The following OSCP1 variants were observed in gnomAD, a reference collection of about 807,000 sequenced individuals.
OSCP1 encodes organic solute carrier partner 1, also known as protein OSCP1.
A neutral mutation model predicts 45.1 loss-of-function variants in OSCP1; 35 were observed. The ratio of observed to expected loss-of-function variants is 0.78; its 90% confidence interval spans 0.59 to 1.03. The LOEUF is 1.03. Ranked by LOEUF, OSCP1 falls within the 50% of genes least tolerant of loss-of-function variation. The pLI is 0.00. For missense variants in OSCP1, 400 were observed against 470.7 expected (o/e 0.85, Z 1.39); for synonymous variants, 179 against 180.1 (o/e 0.99, Z 0.05).
At chr1:36,428,055 C>T (rs1000598151) in intron 4 of OSCP1, among the ~76,000 whole-genome samples, 4 of 151,646 alleles carry the variant, frequency 2.6e-5, no homozygotes, top group Non-Finnish European at 4.4e-5. Flanking sequence ...CTGGATGTGG[C>T]GGTGTGCACC....
At chr1:36,438,431 A>G (rs1481499383) in intron 2 of OSCP1, among the ~76,000 whole-genome samples, 1 of 151,944 alleles carries the variant, frequency 6.6e-6, no homozygotes, top group African/African-American at 2.4e-5. Context: ...TCAAGGCCGC[A>G]GTGAGCTATG....
chr1:36,439,612 G>A (rs1403292375), intron 1 of OSCP1, among the ~76,000 whole-genome samples: 2 of 152,146 alleles, frequency 1.3e-5, no homozygotes, highest in African/African-American at 4.8e-5. Context: ...AATGGTAATT[G>A]ACTCTTAATA....
chr1:36,418,431 AT>A (rs962946872), intron 9 of OSCP1, 176 bp from the exon 10 acceptor site: 33 of 614,566 alleles, frequency 5.4e-5, no homozygotes, highest in African/African-American at 1.7e-4. Flanking sequence ...GGGTCTATAT[AT>A]TTTTTTTCTT....
chr1:36,423,476 A>T lies in OSCP1; in HGVS notation c.517-10T>A. On this transcript the variant is annotated splice_polypyrimidine_tract_variant and intron_variant, in intron 4 of 9. Transcript: ENST00000235532. ...TTAGAAACATGGATACCTGGAAAAA[A>T]ATACATTTATTGTCATTTTTCTTGG... 2 of 1,578,702 alleles carry T rather than the reference A, an allele frequency of 1.3e-6. No individual in the cohort carries two copies. The highest frequency in any genetic ancestry group is 2.2e-5 in the South Asian group (2 of 88,962).
intron 8 of OSCP1, among the ~76,000 whole-genome samples, chr1:36,419,638 G>A (rs1462514356): frequency 2.0e-5 from 3 of 152,138 alleles, no homozygotes; most frequent in South Asian, 2.1e-4. Context: ...ATAAATCACC[G>A]TGGGTGATTT....
chr1:36,420,693 GTAT>G, intron 7 of OSCP1, 78 bp from the exon 8 acceptor site: 1 of 1,534,442 alleles, frequency 6.5e-7, no homozygotes, highest in East Asian at 2.3e-5. Flanking sequence ...ACACAGGTAG[GTAT>G]TATAAAATAA....
At chr1:36,422,079 C>T in intron 7 of OSCP1, 71 bp downstream of exon 7, 2 of 1,445,662 alleles carry the variant, frequency 1.4e-6, no homozygotes, top group Non-Finnish European at 1.9e-6. Context: ...AAAGCGTTCT[C>T]ACCTCTCTTT....
chr1:36,422,073 C>T lies in OSCP1; in HGVS notation c.819+77G>A, dbSNP rs1647649795. ...TGTTGGCTAGATCCGAAATCTAAAG[C>T]GTTCTCACCTCTCTTTATGTAGACT... On this transcript the variant is annotated intron_variant, in intron 7 of 9. Transcript: ENST00000235532. 8 of 1,382,144 alleles carry T rather than the reference C, an allele frequency of 5.8e-6. No individual in the cohort carries two copies. The East Asian group carries it at 9.1e-5, about 16-fold the overall frequency. The allele number at this position is 1,382,144 out of a possible 1,614,324, so 85.6% of individuals were successfully genotyped here. A position where few individuals can be genotyped will look rare whatever the true frequency, so the allele number is the denominator to read the frequency against.
intron 1 of OSCP1, among the ~76,000 whole-genome samples, chr1:36,439,740 G>C (rs898443329): frequency 6.6e-6 from 1 of 152,124 alleles, no homozygotes; most frequent in African/African-American, 2.4e-5. Context: ...TTCCACATTT[G>C]ATCTATAATC....
At chr1:36,422,920 T>C in intron 5 of OSCP1, 24 bp from the exon 6 acceptor site, 1 of 1,556,226 alleles carries the variant, frequency 6.4e-7, no homozygotes, top group Non-Finnish European at 8.7e-7. Context: ...TATGACATGA[T>C]GGAATGTTCT....
At chr1:36,432,691 T>G in intron 2 of OSCP1, 102 bp from the exon 3 acceptor site, 2 of 1,407,454 alleles carry the variant, frequency 1.4e-6, no homozygotes, top group Non-Finnish European at 2.0e-6. Context: ...AAACCAACTC[T>G]GGGCTTGCCA....
chr1:36,421,936 A>G (rs1454623571), intron 7 of OSCP1: 3 of 588,780 alleles, frequency 5.1e-6, no homozygotes, highest in Non-Finnish European at 9.1e-6. Context: ...TGGCCGAGCC[A>G]AGCCTAAAAT....
intron 9 of OSCP1, 31 bp downstream of exon 9, chr1:36,418,960 G>C: frequency 6.6e-7 from 1 of 1,510,168 alleles, no homozygotes; most frequent in Non-Finnish European, 9.2e-7. Context: ...AAGCGAATAC[G>C]ATTGGACCCT....
At chr1:36,420,796 C>T (rs547554997) in intron 7 of OSCP1, among the ~76,000 whole-genome samples, 181 bp from the exon 8 acceptor site, 1 of 152,200 alleles carries the variant, frequency 6.6e-6, no homozygotes, top group African/African-American at 2.4e-5. Context: ...ACGTCAGTAG[C>T]AGAGGGAATG....
At chr1:36,449,522 T>C (rs1258799025) in intron 1 of OSCP1, among the ~76,000 whole-genome samples, 2 of 152,058 alleles carry the variant, frequency 1.3e-5, no homozygotes, top group Non-Finnish European at 2.9e-5. Context: ...TGTGGGAAGA[T>C]ACTACCATAA....
chr1:36,418,220 C>T lies in OSCP1; in HGVS notation c.1059G>A (p.Met353Ile). ...QQRSEELARI[M>I]GEFEITEQPR... is the part of the protein sequence containing the mutation. ...GCTGCTCCGTGATCTCAAACTCCCC[C>T]ATGATTCGAGCCAGCTCCTCGCTCC... The change falls in exon 10 of 10, where the codon ATG becomes ATA. Residue 353 changes from methionine (M) to isoleucine (I), a missense_variant. Transcript: ENST00000235532. The T allele has an allele frequency of 8.1e-6, 13 of 1,614,232 alleles. No homozygotes were observed. The highest frequency in any genetic ancestry group is 1.1e-5 in the Non-Finnish European group (13 of 1,180,044).
intron 2 of OSCP1, among the ~76,000 whole-genome samples, chr1:36,433,932 A>G (rs1173629182): frequency 6.6e-6 from 1 of 152,242 alleles, no homozygotes; most frequent in African/African-American, 2.4e-5. Context: ...GAAAAAAGAT[A>G]GTGGGAACGG....
rs1195413077 is a variant in OSCP1, at chr1:36,447,669, T to C, written c.112+2589A>G. On this transcript the variant is annotated intron_variant, in intron 1 of 9. Transcript: ENST00000235532. The surrounding 1 kb of genome is among the most constrained non-coding windows in gnomAD (Gnocchi z 4.1). ...CATCTGTAAAATGGGGATAGTAATA[T>C]TACCTATGTGTTACAATAGTTGGGA... The C allele has an allele frequency of 1.1e-5, 2 of 179,916 alleles. No individual in the cohort carries two copies. The highest frequency in any genetic ancestry group is 3.0e-4 in the East Asian group (2 of 6,726). The allele number at this position is 179,916 out of a possible 1,614,324, so 11.1% of individuals were successfully genotyped here. A position where few individuals can be genotyped will look rare whatever the true frequency, so the allele number is the denominator to read the frequency against.
At chr1:36,421,256 C>T (rs1411390807) in intron 7 of OSCP1, among the ~76,000 whole-genome samples, 1 of 152,140 alleles carries the variant, frequency 6.6e-6, no homozygotes, top group Non-Finnish European at 1.5e-5. Context: ...CCTGTCCAGG[C>T]GAGTCTCTGC....
Sources: allele counts gnomAD v4.1 joint callset (sites outside exome capture counted in the v4.1 genomes callset), GRCh38; gene constraint gnomAD v4.1.1; non-coding constraint Gnocchi (gnomAD v3.1); transcripts MANE v1.5; gene names NCBI Gene and HGNC (gene_info 2026-07-23, HGNC 2026-07-21).